SUPT3H: variants seen among roughly 807,000 people sequenced by gnomAD.
SUPT3H encodes transcription initiation protein SPT3 homolog.
Under a neutral mutation model 44.3 loss-of-function variants are expected in SUPT3H, and 44 were observed. That is an observed-to-expected ratio of 0.99 (90% CI 0.78 to 1.28). The LOEUF (loss-of-function observed/expected upper bound fraction) is 1.28, where lower values mean the gene tolerates loss of function less well. SUPT3H is among the 50% of genes most tolerant of loss of function. The pLI is 0.00. For synonymous variants in SUPT3H, 124 were observed against 125.6 expected (o/e 0.99, Z 0.09); for missense variants, 380 against 387.1 (o/e 0.98, Z 0.15).
rs1491361687 is a variant in SUPT3H, at chr6:44,928,909, A to AAG, written c.912+3743_912+3744insCT. Among the ~76,000 whole-genome samples the AAG allele has an allele frequency of 1.1e-3, 152 of 139,116 alleles. 2 individuals carry two copies. Among genetic ancestry groups the AAG allele is most frequent in the African/African-American group, 3.8e-3 (139 of 36,858 alleles). The allele number at this position is 139,116 out of a possible 152,430, so 91.3% of individuals were successfully genotyped here. ...AAAAAAAAAAAAAAAAAAAAAGAAA[A>AAG]GAAAAGAAACAAATCACCAATGAAA... is the stretch of plus-strand genomic sequence containing the variant. On this transcript the variant is annotated intron_variant, in intron 10 of 10. Coordinates refer to ENST00000371459, the MANE Select transcript of SUPT3H (RefSeq NM_003599.4).
chr6:44,859,172 TTTTA>T (rs754432269), intron 10 of SUPT3H, among the ~76,000 whole-genome samples: 7 of 152,170 alleles, frequency 4.6e-5, no homozygotes, highest in Non-Finnish European at 8.8e-5. Flanking sequence ...AACCAGAATG[TTTTA>T]TTTGTTTCAC....
intron 2 of SUPT3H, among the ~76,000 whole-genome samples, chr6:45,264,150 A>T (rs534980842): frequency 1.6e-4 from 25 of 152,310 alleles, no homozygotes; most frequent in African/African-American, 6.0e-4. Flanking sequence ...AAATGAAAAC[A>T]CTTATTTTTT....
At chr6:45,244,083 T>C (rs1770896275) in intron 2 of SUPT3H, among the ~76,000 whole-genome samples, 1 of 152,078 alleles carries the variant, frequency 6.6e-6, no homozygotes, top group South Asian at 2.1e-4. Flanking sequence ...AGGGTCTCAC[T>C]ATGTTGCCCA....
chr6:44,929,066 G>A (rs3778507), intron 10 of SUPT3H, among the ~76,000 whole-genome samples: 61,815 of 150,840 alleles, frequency 0.41, 13,030 homozygotes, highest in East Asian at 0.69. Flanking sequence ...TTCTCCCTGT[G>A]TACTTCCTAC....
At chr6:45,096,149 G>A (rs1797753273) in intron 3 of SUPT3H, among the ~76,000 whole-genome samples, 1 of 152,020 alleles carries the variant, frequency 6.6e-6, no homozygotes, top group South Asian at 2.1e-4. Context: ...GAAACTAAGA[G>A]TTTGAAACCT....
intron 3 of SUPT3H, among the ~76,000 whole-genome samples, chr6:45,078,512 C>T (rs1795320674): frequency 6.6e-6 from 1 of 152,142 alleles, no homozygotes; most frequent in African/African-American, 2.4e-5. Context: ...GAGTTTTATA[C>T]TTTCACATGT....
chr6:45,367,404 A>G (rs980044094), intron 1 of SUPT3H, among the ~76,000 whole-genome samples: 1 of 152,134 alleles, frequency 6.6e-6, no homozygotes, highest in African/African-American at 2.4e-5. Flanking sequence ...TGGAATAAGT[A>G]CTTTTCTCTA....
chr6:45,314,563 T>G (rs1044792971), intron 2 of SUPT3H, among the ~76,000 whole-genome samples: 14 of 152,022 alleles, frequency 9.2e-5, no homozygotes, highest in African/African-American at 3.4e-4. Flanking sequence ...AATAAAATAC[T>G]TAGGAATATA....
chr6:44,947,638 T>C (rs962037591), intron 9 of SUPT3H, among the ~76,000 whole-genome samples: 1 of 152,152 alleles, frequency 6.6e-6, no homozygotes, highest in African/African-American at 2.4e-5. Context: ...ATGTCCATAT[T>C]AAGCTTAAAA....
At chr6:45,100,541 TAAAAAAAA>T (rs58120512) in intron 3 of SUPT3H, among the ~76,000 whole-genome samples, 2 of 33,454 alleles carry the variant, frequency 6.0e-5, no homozygotes, top group Non-Finnish European at 9.1e-5. Context: ...ACCCTGTACT[TAAAAAAAA>T]AAAAAAAAAA....
chr6:45,376,045 C>T (rs1267804907), intron 1 of SUPT3H, among the ~76,000 whole-genome samples: 6 of 152,102 alleles, frequency 3.9e-5, no homozygotes, highest in Admixed American at 6.6e-5. Flanking sequence ...ACTGAAAAAC[C>T]AACCAAAGTG....
At chr6:45,375,342 G>A (rs970568745) in intron 1 of SUPT3H, among the ~76,000 whole-genome samples, 5 of 152,252 alleles carry the variant, frequency 3.3e-5, no homozygotes, top group Admixed American at 6.5e-5. Flanking sequence ...AGTGAAAGGG[G>A]TTCTATTAAA....
At chr6:45,262,997 G>C (rs888596884) in intron 2 of SUPT3H, among the ~76,000 whole-genome samples, 1 of 152,154 alleles carries the variant, frequency 6.6e-6, no homozygotes, top group African/African-American at 2.4e-5. Context: ...AATAGATGTA[G>C]GTGAGGTTGC....
In SUPT3H at chr6:45,230,662, CTATATATATAT is replaced by C. The variant is rs1767816728; in HGVS notation, c.102-124667_102-124657del. On this transcript the variant is annotated intron_variant, in intron 2 of 10. Coordinates refer to ENST00000371459, the MANE Select transcript of SUPT3H (RefSeq NM_003599.4). ...AAATCATGTTTTAAATTCATTCAGTCTATATATATATATATATATATATATTTTTGAGATGG... is the reference window on the plus strand; with the variant it reads ...AAATCATGTTTTAAATTCATTCAGTCATATATATATATATTTTTGAGATGG... Among the ~76,000 whole-genome samples the C allele has an allele frequency of 2.6e-4, 18 of 68,744 alleles. 2 individuals carry two copies. Among genetic ancestry groups the C allele is most frequent in the African/African-American group, 3.1e-4 (6 of 19,210 alleles). The allele number at this position is 68,744 out of a possible 152,430, so 45.1% of individuals were successfully genotyped here.
At chr6:45,130,692 A>C (rs1412292898) in intron 2 of SUPT3H, among the ~76,000 whole-genome samples, 2 of 143,942 alleles carry the variant, frequency 1.4e-5, no homozygotes, top group South Asian at 4.3e-4. Flanking sequence ...GGTAAAAAAA[A>C]AAAACAAAAA....
chr6:44,917,901 T>C lies in SUPT3H; in HGVS notation c.912+14752A>G, dbSNP rs1189716861. Among the ~76,000 whole-genome samples the C allele has an allele frequency of 2.6e-5, 4 of 151,852 alleles. No individual in the cohort carries two copies. The East Asian group carries it at 5.8e-4, about 22-fold the overall frequency. ...GGCTTAAGTGAGATATTTGAGTACT[T>C]AAAACCTACTTTAAAATTTCTATCG... On this transcript the variant is annotated intron_variant, in intron 10 of 10. Coordinates refer to ENST00000371459, the MANE Select transcript of SUPT3H (RefSeq NM_003599.4).
chr6:44,961,797 GA>G lies in SUPT3H; in HGVS notation c.535del (p.Ser179GlnfsTer13), dbSNP rs779467359. 3 of 1,604,352 alleles carry G rather than the reference GA, an allele frequency of 1.9e-6. No homozygotes were observed. Among genetic ancestry groups the G allele is most frequent in the African/African-American group, 2.7e-5 (2 of 74,540 alleles). ...RAERQTRIMD[S>X]AQYAEFCESR... ...TTCACAGAATTCTGCATATTGAGCT[GA>G]ATCCATAATTCGAGTTTGTCTTTCT... On this transcript the variant is annotated frameshift_variant, in exon 7 of 11. Coordinates refer to ENST00000371459, the MANE Select transcript of SUPT3H (RefSeq NM_003599.4). LOFTEE classifies it high-confidence loss of function.
At chr6:45,167,942 G>C (rs895760001) in intron 2 of SUPT3H, among the ~76,000 whole-genome samples, 5 of 151,904 alleles carry the variant, frequency 3.3e-5, no homozygotes, top group Non-Finnish European at 7.4e-5. Flanking sequence ...CTCCCGAGTA[G>C]CTGGGATTAT....
intron 2 of SUPT3H, among the ~76,000 whole-genome samples, chr6:45,318,195 C>T (rs1352667558): frequency 1.3e-5 from 2 of 151,858 alleles, no homozygotes; most frequent in Admixed American, 1.3e-4. Flanking sequence ...TGTATTTAAC[C>T]ACTATTACAT....
Sources: gnomAD v4.1 joint callset for allele counts (sites outside exome capture counted in the v4.1 genomes callset) on GRCh38, gnomAD v4.1.1 for gene constraint, MANE v1.5 for transcripts, NCBI Gene and HGNC (gene_info 2026-07-23, HGNC 2026-07-21) for gene names.